Variants in WDR83 observed in about 807,000 individuals in gnomAD.
WDR83 encodes the protein WD repeat domain 83.
Under a neutral mutation model 37.7 loss-of-function variants are expected in WDR83, and 37 were observed. That is an observed-to-expected ratio of 0.98 (90% confidence interval 0.76 to 1.29). The LOEUF is 1.29. Ranked by LOEUF, WDR83 falls within the 50% of genes most tolerant of loss-of-function variation. The pLI is 0.00. For synonymous variants in WDR83, 174 were observed against 181.1 expected, an observed-to-expected ratio of 0.96 and a Z score of 0.31; for missense variants, 445 against 414.4, an observed-to-expected ratio of 1.07 and a Z score of -0.64.
intron 10 of WDR83, among the ~76,000 whole-genome samples, chr19:12,674,842 A>G (rs115853466): frequency 0.035 from 5,353 of 152,234 alleles, 321 homozygotes; most frequent in African/African-American, 0.12. Context: ...CCGGCCAGGC[A>G]TGGTGGTTCA....
intron 2 of WDR83, chr19:12,669,455 C>G (rs776197692): frequency 6.4e-7 from 1 of 1,559,178 alleles, no homozygotes; most frequent in South Asian, 1.2e-5. Context: ...TCGCAGCTTC[C>G]GGCGTGCAAG....
chr19:12,670,671 C>T, intron 6 of WDR83, 24 bp from the exon 7 acceptor site: 2 of 1,614,210 alleles, frequency 1.2e-6, no homozygotes, highest in Non-Finnish European at 1.7e-6. Context: ...CAAACCTGAC[C>T]TCACCATCAT....
Position 12,670,824 on chromosome 19 carries a change from G to T in WDR83, c.506+3G>T, listed in dbSNP as rs767022074. On this transcript the variant is annotated splice_donor_region_variant and intron_variant, in intron 7 of 10. Transcript: ENST00000418543. ...TCAGACCACGAGATCCTGGCAGGGT[G>T]AGTGGAGCCAGGACCTGGTCTCACC... 6.2e-7 allele frequency: 1 copy of T among 1,611,938 alleles called. No homozygotes were observed. The highest frequency in any genetic ancestry group is 1.1e-5 in the South Asian group (1 of 90,756).
Position 12,666,895 on chromosome 19 carries a change from C to A in WDR83, c.-254C>A. 1.7e-6 allele frequency: 1 copy of A among 600,032 alleles called. No homozygotes were observed. Among genetic ancestry groups the A allele is most frequent in the Non-Finnish European group, 2.9e-6 (1 of 341,298 alleles). The allele number at this position is 600,032 out of a possible 1,614,324, so 37.2% of individuals were successfully genotyped here. A position where few individuals can be genotyped will look rare whatever the true frequency, so the allele number is the denominator to read the frequency against. ...AGGTAGGAAAATGCCACCCTCAGGG[C>A]ACTGGTTGGGCTAAAGGTGACACTG... On this transcript the variant is annotated 5_prime_UTR_variant, in exon 1 of 11. Transcript: ENST00000418543.
intron 5 of WDR83, 109 bp downstream of exon 5, chr19:12,670,394 C>A: frequency 6.7e-7 from 1 of 1,496,200 alleles, no homozygotes; most frequent in Non-Finnish European, 9.2e-7. Flanking sequence ...CCCCAGATGA[C>A]GATCCCCCAC....
rs1030207684 is a variant in WDR83 at position 12,670,433 on chromosome 19, C to T, written c.331-130C>T. On this transcript the variant is annotated intron_variant, in intron 5 of 10. Transcript: ENST00000418543. Reference sequence around the variant, plus strand: ...GCATGCCAGGCTAGGCAGTCACCAACCCCTGTCCTTGCTGTTCCCCCAAAA... The same window carrying T: ...GCATGCCAGGCTAGGCAGTCACCAATCCCTGTCCTTGCTGTTCCCCCAAAA... The T allele has an allele frequency of 2.1e-4, 320 of 1,516,890 alleles. 1 individual carries two copies. The highest frequency in any genetic ancestry group is 1.1e-3 in the Admixed American group (67 of 58,444). 94.0% of individuals were successfully genotyped at this position (1,516,890 alleles called of 1,614,324 possible). A position where few individuals can be genotyped will look rare whatever the true frequency, so the allele number is the denominator to read the frequency against.
At chr19:12,668,983 G>A (rs369956598) in intron 2 of WDR83, 2 of 816,714 alleles carry the variant, frequency 2.4e-6, no homozygotes, top group Non-Finnish European at 3.9e-6. Flanking sequence ...GGGCTTTCTC[G>A]GCCCAGCGTC....
rs781692627 is a variant in WDR83, at chr19:12,675,508, C to A, written c.799-15C>A. On this transcript the variant is annotated splice_polypyrimidine_tract_variant and intron_variant, in intron 10 of 10. Coordinates refer to ENST00000418543, the MANE Select transcript of WDR83 (RefSeq NM_001099737.3). ...CCCAGCCACAGATAACCACTCCCTA[C>A]CCCTCGCTCCACAGGGTGCGCTGGC... 1.9e-5 allele frequency: 30 copies of A among 1,601,404 alleles called. 1 individual carries two copies. In the South Asian group the frequency reaches 2.3e-4, roughly 12 times the overall value.
chr19:12,669,961 G>T lies in WDR83; in HGVS notation c.104-16G>T. On this transcript the variant is annotated splice_polypyrimidine_tract_variant and intron_variant, in intron 3 of 10. Transcript: ENST00000418543. ...TGAGATCGACGGCCCAGTAACCCCCGCCTGGTGTTCCCCAGTGGATGGCAA... is the reference window on the plus strand; with the variant it reads ...TGAGATCGACGGCCCAGTAACCCCCTCCTGGTGTTCCCCAGTGGATGGCAA... 1 of 1,605,834 alleles carries T rather than the reference G, an allele frequency of 6.2e-7. No homozygotes were observed. Among genetic ancestry groups the T allele is most frequent in the South Asian group, 1.1e-5 (1 of 90,778 alleles).
Position 12,666,839 on chromosome 19 carries a change from G to A in WDR83, c.-310G>A. 3 of 819,444 alleles carry A rather than the reference G, an allele frequency of 3.7e-6. No homozygotes were observed. Among genetic ancestry groups the A allele is most frequent in the Non-Finnish European group, 5.6e-6 (3 of 537,394 alleles). The allele number at this position is 819,444 out of a possible 1,614,324, so 50.8% of individuals were successfully genotyped here. On this transcript the variant is annotated 5_prime_UTR_variant, in exon 1 of 11. Transcript: ENST00000418543. ...GGAGGCTCACGGGAGAGAGGCTGTA[G>A]CCCTGGGCAATCCCGGGGGTCGTTA... is the stretch of plus-strand genomic sequence containing the variant.
chr19:12,675,159 G>A (rs1168246405), intron 10 of WDR83, among the ~76,000 whole-genome samples: 1 of 152,104 alleles, frequency 6.6e-6, no homozygotes, highest in Non-Finnish European at 1.5e-5. Flanking sequence ...AGGCATGGTG[G>A]CTCACACCTG....
Position 12,673,082 on chromosome 19 carries a change from C to T in WDR83, c.649C>T (p.Leu217Phe), listed in dbSNP as rs200272266. ...LVSSLDSTLRLLDKDTGELLG... is the reference protein window; with the variant it reads ...LVSSLDSTLRFLDKDTGELLG... Reference sequence around the variant, plus strand: ...GTCCAGCCTGGACTCCACATTGCGGCTCCTGGACAAAGACACAGGGGAGCT... The same window carrying T: ...GTCCAGCCTGGACTCCACATTGCGGTTCCTGGACAAAGACACAGGGGAGCT... Residue 217 changes from leucine (L) to phenylalanine (F), a missense_variant, in exon 9 of 11, where the codon CTC (leucine) becomes TTC (phenylalanine). By Grantham distance (22) the Leu-to-Phe change is conservative. Coordinates refer to ENST00000418543, the MANE Select transcript of WDR83 (RefSeq NM_001099737.3). The T allele has an allele frequency of 5.0e-6, 8 of 1,613,396 alleles. No individual in the cohort carries two copies. The highest frequency in any genetic ancestry group is 3.3e-5 in the Admixed American group (2 of 59,970).
Position 12,670,058 on chromosome 19 carries a change from C to T in WDR83, c.185C>T (p.Thr62Met). 6.2e-7 allele frequency: 1 copy of T among 1,612,910 alleles called. No homozygotes were observed. Among genetic ancestry groups the T allele is most frequent in the Middle Eastern group, 1.7e-4 (1 of 6,058 alleles). ...CCGCTTCGGGGGACGCTGCTGCGGA[C>T]GTACAGCGGCCACGGCTACGAGGTG... is the stretch of plus-strand genomic sequence containing the variant. ...WNPLRGTLLR[T>M]YSGHGYEVLD... Residue 62 changes from threonine (T) to methionine (M), a missense_variant, in exon 4 of 11, where the codon ACG (threonine) becomes ATG (methionine). Physicochemically the swap from Thr to Met is moderately conservative, Grantham distance 81 (BLOSUM62 -1). Transcript: ENST00000418543.
Position 12,673,003 on chromosome 19 carries a change from C to A in WDR83, c.575-5C>A. 6.2e-7 allele frequency: 1 copy of A among 1,612,600 alleles called. No homozygotes were observed. The highest frequency in any genetic ancestry group is 8.5e-7 in the Non-Finnish European group (1 of 1,179,290). ...CCTCACTCACCTACCCACCCTTCCC[C>A]CAAGGCCCCATCACCTGCACCTGCT... On this transcript the variant is annotated splice_polypyrimidine_tract_variant and splice_region_variant and intron_variant, in intron 8 of 10. Transcript: ENST00000418543.
rs779524322 is a variant in WDR83 at position 12,670,830 on chromosome 19, A to T, written c.506+9A>T. The T allele has an allele frequency of 6.2e-7, 1 of 1,610,806 alleles. No individual in the cohort carries two copies. Among genetic ancestry groups the T allele is most frequent in the South Asian group, 1.1e-5 (1 of 90,642 alleles). On this transcript the variant is annotated intron_variant, in intron 7 of 10. Transcript: ENST00000418543. ...CACGAGATCCTGGCAGGGTGAGTGGAGCCAGGACCTGGTCTCACCCCAGGT... is the reference window on the plus strand; with the variant it reads ...CACGAGATCCTGGCAGGGTGAGTGGTGCCAGGACCTGGTCTCACCCCAGGT...
intron 2 of WDR83, chr19:12,669,149 G>A (rs769701436): frequency 1.9e-6 from 3 of 1,614,132 alleles, no homozygotes; most frequent in Non-Finnish European, 2.5e-6. Context: ...GGCCGCACAT[G>A]CTGAAGATCA....
chr19:12,667,058 A>G (rs2024271554), intron 1 of WDR83, 66 bp downstream of exon 1: 1 of 332,554 alleles, frequency 3.0e-6, no homozygotes, highest in Non-Finnish European at 5.6e-6. Flanking sequence ...TGTCCATGGG[A>G]ATCCAGGGTG....
In WDR83 at chr19:12,670,067, G is replaced by A. The variant is rs778109891; in HGVS notation, c.194G>A (p.Gly65Asp). ...GGGACGCTGCTGCGGACGTACAGCG[G>A]CCACGGCTACGAGGTGCTGGATGCG... is the stretch of plus-strand genomic sequence containing the variant. The part of the protein sequence containing the change: ...LRGTLLRTYS[G>D]HGYEVLDAAG... Residue 65 changes from glycine (G) to aspartate (D), a missense_variant, in exon 4 of 11, where the codon GGC becomes GAC. By Grantham distance (94) the Gly-to-Asp change is moderately conservative. Coordinates refer to ENST00000418543, the MANE Select transcript of WDR83 (RefSeq NM_001099737.3). 1.1e-5 allele frequency: 17 copies of A among 1,612,490 alleles called. No individual in the cohort carries two copies. Among genetic ancestry groups the A allele is most frequent in the Non-Finnish European group, 8.5e-7 (1 of 1,179,024 alleles).
Position 12,667,011 on chromosome 19 carries a change from T to G in WDR83, c.-157+19T>G. ...AATGCCGGTAGGAGCAGAAGTGCTT[T>G]TCCTAAGGGGGCCGGGTTTTCCTAG... On this transcript the variant is annotated intron_variant, in intron 1 of 10. Transcript: ENST00000418543. The G allele has an allele frequency of 2.2e-6, 1 of 461,042 alleles. No homozygotes were observed. The highest frequency in any genetic ancestry group is 3.9e-6 in the Non-Finnish European group (1 of 256,176). The allele number at this position is 461,042 out of a possible 1,614,324, so 28.6% of individuals were successfully genotyped here. A position where few individuals can be genotyped will look rare whatever the true frequency, so the allele number is the denominator to read the frequency against.
Sources: gnomAD v4.1 joint callset for allele counts (sites outside exome capture counted in the v4.1 genomes callset) on GRCh38, gnomAD v4.1.1 for gene constraint, MANE v1.5 for transcripts, NCBI Gene and HGNC (gene_info 2026-07-23, HGNC 2026-07-21) for gene names.